Variants in CEACAM1 observed in about 807,000 individuals in gnomAD.
CEACAM1 encodes the protein CEA cell adhesion molecule 1.
Under a neutral mutation model 49.1 loss-of-function variants are expected in CEACAM1, and 31 were observed. That is an observed-to-expected ratio of 0.63 (90% CI 0.47 to 0.85). CEACAM1 has a LOEUF of 0.85. CEACAM1 is among the 40% of genes least tolerant of loss of function. The probability of loss-of-function intolerance (pLI) is 0.00; values close to 1 mark genes in which losing one functional copy is unlikely to be tolerated. For synonymous variants in CEACAM1, 244 were observed against 247.8 expected, an observed-to-expected ratio of 0.98 and a Z score of 0.14; for missense variants, 570 against 645.3, an observed-to-expected ratio of 0.88 and a Z score of 1.26.
chr19:42,522,568 CT>C (rs569260757), intron 2 of CEACAM1, among the ~76,000 whole-genome samples: 65 of 143,074 alleles, frequency 4.5e-4, no homozygotes, highest in Admixed American at 9.1e-4. Flanking sequence ...TTCTTTCTTT[CT>C]TTTTTTTTTT....
chr19:42,511,907 CT>C (rs202176004), intron 6 of CEACAM1, among the ~76,000 whole-genome samples: 105 of 146,428 alleles, frequency 7.2e-4, no homozygotes, highest in African/African-American at 1.4e-3. Context: ...GGGGTAGATA[CT>C]TTTTTTTTTT....
intron 1 of CEACAM1, 108 bp from the exon 2 acceptor site, chr19:42,527,508 T>A (rs1212167227): frequency 7.7e-5 from 24 of 312,268 alleles, no homozygotes; most frequent in East Asian, 1.7e-4. Context: ...CCTTGGAGTG[T>A]GTGTGTGTGT....
intron 4 of CEACAM1, among the ~76,000 whole-genome samples, chr19:42,519,989 C>T (rs889648429): frequency 2.6e-5 from 4 of 152,156 alleles, no homozygotes; most frequent in Non-Finnish European, 4.4e-5. Flanking sequence ...GATGATGCCC[C>T]ATCCAGTCTT....
Position 42,508,018 on chromosome 19 carries a change from T to C in CEACAM1, c.*1091A>G, listed in dbSNP as rs1203568499. On this transcript the variant is annotated 3_prime_UTR_variant, in exon 9 of 9. Transcript: ENST00000161559. ...AAGAAAACCTTTTCTTATTTTCTATTTGGAGCCTCTGACAAAAAAAATCTT... is the reference window on the plus strand; with the variant it reads ...AAGAAAACCTTTTCTTATTTTCTATCTGGAGCCTCTGACAAAAAAAATCTT... 1 of 152,242 alleles carries C rather than the reference T, an allele frequency of 6.6e-6. No homozygotes were observed. The highest frequency in any genetic ancestry group is 1.5e-5 in the Non-Finnish European group (1 of 68,032). 9.4% of individuals were successfully genotyped at this position (152,242 alleles called of 1,614,324 possible). A position where few individuals can be genotyped will look rare whatever the true frequency, so the allele number is the denominator to read the frequency against.
At position 42,522,107 on chromosome 19, in the gene CEACAM1, T is replaced by A; in HGVS notation, c.520A>T (p.Thr174Ser). The change falls in exon 3 of 9, where the codon ACA becomes TCA. Residue 174 changes from threonine (T) to serine (S), a missense_variant. Transcript: ENST00000161559. Reference protein sequence around the residue: ...AFTCEPETQDTTYLWWINNQS... With the variant: ...AFTCEPETQDSTYLWWINNQS... ...TTGTTTATCCACCACAGGTAGGTTGTGTCCTGAGTCTCAGGTTCACAGGTG... is the reference window on the plus strand; with the variant it reads ...TTGTTTATCCACCACAGGTAGGTTGAGTCCTGAGTCTCAGGTTCACAGGTG... The A allele has an allele frequency of 2.5e-6, 4 of 1,614,198 alleles. No homozygotes were observed. The highest frequency in any genetic ancestry group is 3.4e-6 in the Non-Finnish European group (4 of 1,180,030).
rs144156910 is a variant in CEACAM1, at chr19:42,519,220, A to G, written c.974T>C (p.Val325Ala). 5.6e-6 allele frequency: 9 copies of G among 1,613,894 alleles called. No homozygotes were observed. The highest frequency in any genetic ancestry group is 4.0e-5 in the African/African-American group (3 of 74,884). The stretch of plus-strand genomic sequence containing the variant: ...GCTGGCTTTGATTTGGGGCTTTGCT[A>G]CTACTGGACTTAGCTCTGTGGACAA... ...TIIVTELSPV[V>A]AKPQIKASKT... The change falls in exon 5 of 9, where the codon GTA becomes GCA. Residue 325 changes from valine to alanine, a missense_variant. By Grantham distance (64) the Val-to-Ala change is moderately conservative. Coordinates refer to ENST00000161559, the MANE Select transcript of CEACAM1 (RefSeq NM_001712.5).
intron 6 of CEACAM1, among the ~76,000 whole-genome samples, chr19:42,512,144 TG>T (rs2147771141): frequency 6.6e-6 from 1 of 152,214 alleles, no homozygotes; most frequent in Non-Finnish European, 1.5e-5. Context: ...AGATGGGGAT[TG>T]GAATACCCAT....
chr19:42,511,742 G>T, intron 6 of CEACAM1, 114 bp from the exon 7 acceptor site: 1 of 946,726 alleles, frequency 1.1e-6, no homozygotes, highest in Non-Finnish European at 1.7e-6. Flanking sequence ...TGTTCATACT[G>T]CCTTTCTTCT....
chr19:42,515,057 C>A, intron 5 of CEACAM1: 1 of 672,220 alleles, frequency 1.5e-6, no homozygotes, highest in Non-Finnish European at 2.7e-6. Flanking sequence ...TTGCTTGAGC[C>A]CAGGAGTTCG....
In CEACAM1 at chr19:42,507,307, C is replaced by T. The variant is rs1396293320; in HGVS notation, c.*1802G>A. ...TAGTATCAACCATGAGGCAGCATGT[C>T]GATGTCTGATATATTATTTTTATTA... On this transcript the variant is annotated 3_prime_UTR_variant, in exon 9 of 9. Coordinates refer to ENST00000161559, the MANE Select transcript of CEACAM1 (RefSeq NM_001712.5). The T allele has an allele frequency of 6.6e-6, 1 of 152,026 alleles. No homozygotes were observed. The highest frequency in any genetic ancestry group is 2.4e-5 in the African/African-American group (1 of 41,366). 9.4% of individuals were successfully genotyped at this position (152,026 alleles called of 1,614,324 possible).
At position 42,511,565 on chromosome 19, in the gene CEACAM1, G is replaced by T; in HGVS notation, c.1429+11C>A. ...ATACCAGTTCTCACTGGGGTAAGTGGCTTTACTTACTGTGGTTGGAGACTG... is the reference window on the plus strand; with the variant it reads ...ATACCAGTTCTCACTGGGGTAAGTGTCTTTACTTACTGTGGTTGGAGACTG... On this transcript the variant is annotated intron_variant, in intron 7 of 8. Coordinates refer to ENST00000161559, the MANE Select transcript of CEACAM1 (RefSeq NM_001712.5). 2 of 1,609,782 alleles carry T rather than the reference G, an allele frequency of 1.2e-6. No individual in the cohort carries two copies. The highest frequency in any genetic ancestry group is 2.7e-5 in the African/African-American group (2 of 74,968).
rs1355831936 is a variant in CEACAM1 at position 42,512,431 on chromosome 19, C to A, written c.1295G>T (p.Gly432Val). The A allele has an allele frequency of 1.2e-6, 2 of 1,614,100 alleles. No individual in the cohort carries two copies. Among genetic ancestry groups the A allele is most frequent in the Admixed American group, 3.3e-5 (2 of 60,026 alleles). Residue 432 changes from glycine to valine, a missense_variant, in exon 6 of 9, where the codon GGC (glycine) becomes GTC (valine). Coordinates refer to ENST00000161559, the MANE Select transcript of CEACAM1 (RefSeq NM_001712.5). ...ENGLSPGAIA[G>V]IVIGVVALVA... ...CAGGGCCACTACTCCAATCACAATG[C>A]CAGCAATGGCCCCAGGTGAGAGGCC...
chr19:42,520,306 C>G (rs946608150), intron 4 of CEACAM1, among the ~76,000 whole-genome samples: 1 of 152,210 alleles, frequency 6.6e-6, no homozygotes, highest in Non-Finnish European at 1.5e-5. Context: ...AGAGCCAGGA[C>G]AAGCTCAGGG....
chr19:42,522,008 T>C lies in CEACAM1; in HGVS notation c.619A>G (p.Arg207Gly). ...CACTCATAGGGTCCTGTGTCATTCC[T>C]TGTGACACTGAGTAGAGTGAGGGTC... ...NRTLTLLSVT[R>G]NDTGPYECEI... The change falls in exon 3 of 9, where the codon AGG (arginine) becomes GGG (glycine). Residue 207 changes from arginine (R) to glycine (G), a missense_variant. By Grantham distance (125) the Arg-to-Gly change is moderately radical. Transcript: ENST00000161559. 3 of 1,614,248 alleles carry C rather than the reference T, an allele frequency of 1.9e-6. No homozygotes were observed.
At chr19:42,514,828 A>G (rs911952981) in intron 5 of CEACAM1, among the ~76,000 whole-genome samples, 2 of 152,346 alleles carry the variant, frequency 1.3e-5, no homozygotes, top group East Asian at 3.8e-4. Context: ...TCAGATGGCT[A>G]GTGAGAGGTG....
At chr19:42,524,679 A>G (rs1231524360) in intron 2 of CEACAM1, among the ~76,000 whole-genome samples, 1 of 152,110 alleles carries the variant, frequency 6.6e-6, no homozygotes, top group Non-Finnish European at 1.5e-5. Flanking sequence ...AGGGTGGAGG[A>G]AACTGTGCAG....
rs777348758 is a variant in CEACAM1, at chr19:42,519,025, TCCTC to T, written c.1165_1168del (p.Glu389MetfsTer23). ...GACCTCACACCAATACGTCCCAGCA[TCCTC>T]CCTCTTGACAGGGTTTATGCTGAGG... On this transcript the variant is annotated frameshift_variant, in exon 5 of 9. Coordinates refer to ENST00000161559, the MANE Select transcript of CEACAM1 (RefSeq NM_001712.5). LOFTEE classifies it high-confidence loss of function. 4.5e-6 allele frequency: 7 copies of T among 1,548,164 alleles called. No individual in the cohort carries two copies. In the South Asian group the frequency reaches 7.8e-5, roughly 17 times the overall value.
chr19:42,526,235 C>T lies in CEACAM1; in HGVS notation c.424+806G>A, dbSNP rs933157518. Among the ~76,000 whole-genome samples the T allele has an allele frequency of 4.6e-5, 7 of 152,146 alleles. No homozygotes were observed. The South Asian group carries it at 8.3e-4, about 18-fold the overall frequency. ...CCTCCCAAAGTACTGGGATTACAGG[C>T]GTGAGCCACCGCTCCCGGCCGCAGC... On this transcript the variant is annotated intron_variant, in intron 2 of 8. Coordinates refer to ENST00000161559, the MANE Select transcript of CEACAM1 (RefSeq NM_001712.5).
chr19:42,519,026 C>T lies in CEACAM1; in HGVS notation c.1168G>A (p.Asp390Asn). 6.2e-7 allele frequency: 1 copy of T among 1,602,078 alleles called. No homozygotes were observed. The highest frequency in any genetic ancestry group is 2.3e-5 in the East Asian group (1 of 44,026). ...ACCTCACACCAATACGTCCCAGCAT[C>T]CTCCCTCTTGACAGGGTTTATGCTG... ...TLSINPVKRE[D>N]AGTYWCEVFN... Residue 390 changes from aspartate to asparagine, a missense_variant, in exon 5 of 9, where the codon GAT (aspartate) becomes AAT (asparagine). Coordinates refer to ENST00000161559, the MANE Select transcript of CEACAM1 (RefSeq NM_001712.5).
Sources: allele counts gnomAD v4.1 joint callset (sites outside exome capture counted in the v4.1 genomes callset), GRCh38; gene constraint gnomAD v4.1.1; transcripts MANE v1.5; gene names NCBI Gene and HGNC (gene_info 2026-07-23, HGNC 2026-07-21).